Variants in TRO observed in about 807,000 individuals in gnomAD.
The protein encoded by TRO is MAGE superfamily protein.
A neutral mutation model predicts 42.3 loss-of-function variants in TRO; 29 were observed. That is an observed-to-expected ratio of 0.68 (90% confidence interval 0.51 to 0.93). The LOEUF is 0.93. Ranked by LOEUF, TRO falls within the 40% of genes least tolerant of loss-of-function variation. The probability of loss-of-function intolerance (pLI) is 0.00; values close to 1 mark genes in which losing one functional copy is unlikely to be tolerated. For synonymous variants in TRO, 384 were observed against 425.2 expected, an observed-to-expected ratio of 0.90 and a Z score of 1.19; for missense variants, 963 against 1,127.7, an observed-to-expected ratio of 0.85 and a Z score of 2.09.
At position 54,928,754 on chromosome X, in the gene TRO, C is replaced by G; in HGVS notation, c.2030C>G (p.Pro677Arg). 8.3e-7 allele frequency: 1 copy of G among 1,210,234 alleles called. No individual in the cohort carries two copies. Among genetic ancestry groups the G allele is most frequent in the Non-Finnish European group, 1.1e-6 (1 of 894,729 alleles). The change falls in exon 12 of 13, where the codon CCC (proline) becomes CGC (arginine). Residue 677 changes from proline to arginine, a missense_variant. Around this residue, in one of 2 missense-constraint regions of TRO, gnomAD observed 641 missense variants for 811.3 expected, o/e 0.79. Coordinates refer to ENST00000173898, the MANE Select transcript of TRO (RefSeq NM_001039705.3). ...ATTGGAGAGGAAGCTGTGGCTGGGC[C>G]CTGGAATTGGGATGACATGGATATC... Reference protein sequence around the residue: ...MGIGEEAVAGPWNWDDMDIDC... With the variant: ...MGIGEEAVAGRWNWDDMDIDC...
chrX:54,924,668 A>C lies in TRO; in HGVS notation c.1342-2A>C. ...TCTCTCCATCTATTCCTCTCCTCCC[A>C]GGCTAATAAGTTGGTGAAATACCTG... On this transcript the variant is annotated splice_acceptor_variant, in intron 4 of 12. Coordinates refer to ENST00000173898, the MANE Select transcript of TRO (RefSeq NM_001039705.3). LOFTEE classifies it high-confidence loss of function. The C allele has an allele frequency of 8.3e-7, 1 of 1,211,226 alleles. No homozygotes were observed. Among genetic ancestry groups the C allele is most frequent in the Non-Finnish European group, 1.1e-6 (1 of 895,089 alleles).
In TRO at chrX:54,923,083, C is replaced by G. The variant is rs779764623; in HGVS notation, c.551C>G (p.Ala184Gly). 5.0e-6 allele frequency: 6 copies of G among 1,210,355 alleles called. No homozygotes were observed. The highest frequency in any genetic ancestry group is 6.7e-6 in the Non-Finnish European group (6 of 895,381). Reference sequence around the variant, plus strand: ...CCAGTCATCTCACAGAATATTCACGCTCCAATTGCCAATGAGTCAGCCAGT... The same window carrying G: ...CCAGTCATCTCACAGAATATTCACGGTCCAATTGCCAATGAGTCAGCCAGT... ...KLPVISQNIHAPIANESASSQ... is the reference protein window; with the variant it reads ...KLPVISQNIHGPIANESASSQ... Residue 184 changes from alanine (A) to glycine (G), a missense_variant, in exon 3 of 13, where the codon GCT becomes GGT. By Grantham distance (60) the Ala-to-Gly change is moderately conservative (BLOSUM62 0). Coordinates refer to ENST00000173898, the MANE Select transcript of TRO (RefSeq NM_001039705.3).
At chrX:54,922,464 GCT>G in intron 2 of TRO, 112 bp from the exon 3 acceptor site, 1 of 917,057 alleles carries the variant, frequency 1.1e-6, no homozygotes, top group Non-Finnish European at 1.5e-6. Context: ...TTCCTTCCTT[GCT>G]CCCTACCCCA....
intron 6 of TRO, 105 bp from the exon 7 acceptor site, chrX:54,925,487 A>G (rs1312284538): frequency 4.8e-6 from 3 of 630,383 alleles, no homozygotes; most frequent in Non-Finnish European, 7.4e-6. Flanking sequence ...GACTTCTTAC[A>G]CATGCAGACC....
At chrX:54,925,314 AT>A (rs1405989590) in intron 6 of TRO, among the ~76,000 whole-genome samples, 9 of 111,734 alleles carry the variant, frequency 8.1e-5, no homozygotes, top group Non-Finnish European at 1.7e-4. Context: ...AGTTGGACAT[AT>A]TCTGCATGTA....
rs747652575 is a variant in TRO, at chrX:54,923,008, A to T, written c.476A>T (p.His159Leu). 1 of 1,212,249 alleles carries T rather than the reference A, an allele frequency of 8.2e-7. No individual in the cohort carries two copies. The highest frequency in any genetic ancestry group is 1.1e-6 in the Non-Finnish European group (1 of 895,658). Residue 159 changes from histidine to leucine, a missense_variant, in exon 3 of 13, where the codon CAT becomes CTT. Physicochemically the swap from His to Leu is moderately conservative, Grantham distance 99. Around this residue, in one of 2 missense-constraint regions of TRO, gnomAD observed 322 missense variants for 316.5 expected, o/e 1.02. Transcript: ENST00000173898. Reference sequence around the variant, plus strand: ...CAAGGCTCCCAATCCCCAACTGGCCATGAGGGTGGCACTATACAGCTGAAG... The same window carrying T: ...CAAGGCTCCCAATCCCCAACTGGCCTTGAGGGTGGCACTATACAGCTGAAG... ...AAQGSQSPTG[H>L]EGGTIQLKSP...
chrX:54,922,641 A>C lies in TRO; in HGVS notation c.109A>C (p.Thr37Pro). ...CCCTCCAGATATACAGACTGAGACC[A>C]CAGAAGAGGACAGTGTCCTGCTGAT... ...PFPPDIQTET[T>P]EEDSVLLMHT... The change falls in exon 3 of 13, where the codon ACA (threonine) becomes CCA (proline). Residue 37 changes from threonine to proline, a missense_variant. Physicochemically the swap from Thr to Pro is conservative, Grantham distance 38. This residue lies in a region of TRO where 322 missense variants were observed against 316.5 expected (regional missense o/e 1.02). Transcript: ENST00000173898. The C allele has an allele frequency of 8.3e-7, 1 of 1,211,228 alleles. No homozygotes were observed. The highest frequency in any genetic ancestry group is 1.1e-6 in the Non-Finnish European group (1 of 895,377).
chrX:54,928,742 C>T lies in TRO; in HGVS notation c.2018C>T (p.Ala673Val), dbSNP rs777875584. 8.3e-7 allele frequency: 1 copy of T among 1,210,379 alleles called. No individual in the cohort carries two copies. The highest frequency in any genetic ancestry group is 1.1e-6 in the Non-Finnish European group (1 of 894,767). The change falls in exon 12 of 13, where the codon GCT (alanine) becomes GTT (valine). Residue 673 changes from alanine (A) to valine (V), a missense_variant. This residue lies in a region of TRO where 641 missense variants were observed against 811.3 expected (regional missense o/e 0.79). Transcript: ENST00000173898. ...ARAQMGIGEEAVAGPWNWDDM... is the reference protein window; with the variant it reads ...ARAQMGIGEEVVAGPWNWDDM... ...GCCCAAATGGGGATTGGAGAGGAAG[C>T]TGTGGCTGGGCCCTGGAATTGGGAT...
chrX:54,926,524 A>G (rs780894194), intron 8 of TRO, 35 bp downstream of exon 8: 2 of 1,209,576 alleles, frequency 1.7e-6, no homozygotes, highest in South Asian at 3.5e-5. Context: ...ATGGGCGGCC[A>G]TGGTCTGGAT....
In TRO at chrX:54,928,964, C is replaced by T. The variant is rs192182116; in HGVS notation, c.2240C>T (p.Ser747Phe). The T allele has an allele frequency of 1.4e-3, 1,756 of 1,211,108 alleles. 1 individual carries two copies. Among genetic ancestry groups the T allele is most frequent in the Non-Finnish European group, 1.8e-3 (1,618 of 895,490 alleles). The part of the protein sequence containing the change: ...ASISFNGAPS[S>F]SGGFSGGPGI... ...ATTAGCTTCAATGGTGCACCCAGCT[C>T]CAGTGGTGGCTTCAGTGGTGGACCT... is the stretch of plus-strand genomic sequence containing the variant. Residue 747 changes from serine (S) to phenylalanine (F), a missense_variant, in exon 12 of 13, where the codon TCC becomes TTC. By Grantham distance (155) the Ser-to-Phe change is radical. Coordinates refer to ENST00000173898, the MANE Select transcript of TRO (RefSeq NM_001039705.3).
In TRO at chrX:54,928,964, CCAGTGGTGGCTT is replaced by C. The variant is rs752549943; in HGVS notation, c.2250_2261del (p.Phe751_Gly754del). On this transcript the variant is annotated inframe_deletion, in exon 12 of 13. Transcript: ENST00000173898. Reference sequence around the variant, plus strand: ...ATTAGCTTCAATGGTGCACCCAGCTCCAGTGGTGGCTTCAGTGGTGGACCTGGCATTACCTTT... The same window carrying C: ...ATTAGCTTCAATGGTGCACCCAGCTCCAGTGGTGGACCTGGCATTACCTTT... 15 of 1,211,056 alleles carry C rather than the reference CCAGTGGTGGCTT, an allele frequency of 1.2e-5. No homozygotes were observed. In the Admixed American group the frequency reaches 3.1e-4, roughly 25 times the overall value.
intron 8 of TRO, 31 bp downstream of exon 8, chrX:54,926,520 G>A (rs1341707105): frequency 1.6e-5 from 19 of 1,209,835 alleles, no homozygotes; most frequent in Non-Finnish European, 2.0e-5. Context: ...CTGAATGGGC[G>A]GCCATGGTCT....
chrX:54,924,353 G>C, intron 3 of TRO, 98 bp from the exon 4 acceptor site: 1 of 799,735 alleles, frequency 1.3e-6, no homozygotes, highest in Non-Finnish European at 1.8e-6. Context: ...TGAGGGAGGG[G>C]GTTAGAGGGA....
rs1180471309 is a variant in TRO, at chrX:54,923,397, G to A, written c.865G>A (p.Glu289Lys). The A allele has an allele frequency of 1.7e-6, 2 of 1,203,064 alleles. No individual in the cohort carries two copies. Among genetic ancestry groups the A allele is most frequent in the East Asian group, 6.0e-5 (2 of 33,496 alleles). Residue 289 changes from glutamate to lysine, a missense_variant, in exon 3 of 13, where the codon GAG (glutamate) becomes AAG (lysine). Around this residue, in one of 2 missense-constraint regions of TRO, gnomAD observed 322 missense variants for 316.5 expected, o/e 1.02. Transcript: ENST00000173898. ...NVTDAATRQI[E>K]ASVVAIRPKK... ...CACTGACGCAGCTACCAGGCAGATT[G>A]AGGCCTCAGTAGTGGCTATCAGGCC...
rs997179052 is a variant in TRO at position 54,929,745 on chromosome X, C to A, written c.3021C>A (p.Val1007=). The A allele has an allele frequency of 8.3e-7, 1 of 1,211,076 alleles. No homozygotes were observed. Among genetic ancestry groups the A allele is most frequent in the Non-Finnish European group, 1.1e-6 (1 of 895,268 alleles). The part of the protein sequence containing the change: ...ADFGGTLSTS[V]CFGGSPGTSV... ...TTGGCGGTACACTAAGCACCAGTGT[C>A]TGCTTTGGTGGCTCTCCTGGCACCA... Residue 1007 remains valine (V), a synonymous_variant, in exon 12 of 13, where the codon GTC becomes GTA. Transcript: ENST00000173898.
rs1339865589 is a variant in TRO at position 54,930,791 on chromosome X, G to A, written c.4067G>A (p.Gly1356Asp). The A allele has an allele frequency of 1.7e-6, 2 of 1,210,958 alleles. No homozygotes were observed. Among genetic ancestry groups the A allele is most frequent in the Non-Finnish European group, 2.2e-6 (2 of 895,347 alleles). ...ACTGGCGAACCCAGCACCAGCACGG[G>A]CTTCAGTAGTGGACCCAGTTCTATT... ...GFTGEPSTST[G>D]FSSGPSSIVG... The change falls in exon 12 of 13, where the codon GGC (glycine) becomes GAC (aspartate). Residue 1356 changes from glycine to aspartate, a missense_variant. Gly to Asp is a moderately conservative substitution (Grantham distance 94, BLOSUM62 -1). Coordinates refer to ENST00000173898, the MANE Select transcript of TRO (RefSeq NM_001039705.3).
rs60674633 is a variant in TRO, at chrX:54,922,725, C to T, written c.193C>T (p.Arg65Trp). The T allele has an allele frequency of 5.6e-4, 671 of 1,207,230 alleles. 3 individuals are homozygous for T. In the African/African-American group the frequency reaches 9.2e-3, roughly 17 times the overall value. Residue 65 changes from arginine (R) to tryptophan (W), a missense_variant, in exon 3 of 13, where the codon CGG (arginine) becomes TGG (tryptophan). This residue lies in a region of TRO where 322 missense variants were observed against 316.5 expected (regional missense o/e 1.02). Coordinates refer to ENST00000173898, the MANE Select transcript of TRO (RefSeq NM_001039705.3). ...GGCCATGGACCCACCAGTTGTCAAC[C>T]GGCCTAAGAAAAGCAAGACCAAGAA... ...SLAMDPPVVN[R>W]PKKSKTKKAP...
At position 54,927,046 on chromosome X, in the gene TRO, G is replaced by A. The variant is rs1046829668; in HGVS notation, c.1704G>A (p.Val568=). 8.3e-7 allele frequency: 1 copy of A among 1,211,784 alleles called. No individual in the cohort carries two copies. Among genetic ancestry groups the A allele is most frequent in the African/African-American group, 1.7e-5 (1 of 57,795 alleles). ...VLRKLGLRPG[V]RHSLFGEVRK... is the part of the protein sequence containing the mutation. ...GGGTTATTTTTCCCATTGTCAGGGTGAGGCATTCACTCTTTGGGGAAGTGA... is the reference window on the plus strand; with the variant it reads ...GGGTTATTTTTCCCATTGTCAGGGTAAGGCATTCACTCTTTGGGGAAGTGA... The change falls in exon 10 of 13, where the codon GTG becomes GTA. Residue 568 remains valine, a synonymous_variant. Coordinates refer to ENST00000173898, the MANE Select transcript of TRO (RefSeq NM_001039705.3).
chrX:54,923,692 A>G lies in TRO; in HGVS notation c.1160A>G (p.Gln387Arg). Residue 387 changes from glutamine to arginine, a missense_variant, in exon 3 of 13, where the codon CAG becomes CGG. Gln to Arg is a conservative substitution (Grantham distance 43, BLOSUM62 1). Around this residue, in one of 2 missense-constraint regions of TRO, gnomAD observed 322 missense variants for 316.5 expected, o/e 1.02. Transcript: ENST00000173898. ...ALETQVAAAVQALADDYLAQL... is the reference protein window; with the variant it reads ...ALETQVAAAVRALADDYLAQL... ...GAGACTCAGGTTGCTGCTGCTGTCC[A>G]GGCCCTGGCAGATGACTATCTGGCT... The G allele has an allele frequency of 8.3e-7, 1 of 1,211,426 alleles. No homozygotes were observed. The highest frequency in any genetic ancestry group is 1.1e-6 in the Non-Finnish European group (1 of 895,220).
Sources: allele counts gnomAD v4.1 joint callset (sites outside exome capture counted in the v4.1 genomes callset), GRCh38; gene constraint gnomAD v4.1.1; regional missense constraint gnomAD v4.1.1; transcripts MANE v1.5; gene names NCBI Gene and HGNC (gene_info 2026-07-23, HGNC 2026-07-21).